Variants in CCDC191 observed in about 807,000 individuals in gnomAD.
CCDC191 encodes the protein coiled-coil domain containing 191.
In CCDC191, 99 loss-of-function variants were observed where a neutral mutation model predicts 114.0. The observed-to-expected ratio is 0.87, with a 90% CI of 0.74 to 1.03. The LOEUF (loss-of-function observed/expected upper bound fraction) is 1.03, where lower values mean the gene tolerates loss of function less well. Ranked by LOEUF, CCDC191 falls within the 50% of genes least tolerant of loss-of-function variation. CCDC191 has a pLI of 0.00. For missense variants in CCDC191, 973 were observed against 1,087.0 expected (o/e 0.90, Z 1.47); for synonymous variants, 351 against 376.0 (o/e 0.93, Z 0.77).
At chr3:114,013,691 G>A (rs777320796) in intron 8 of CCDC191, among the ~76,000 whole-genome samples, 8 of 152,172 alleles carry the variant, frequency 5.3e-5, no homozygotes, top group Non-Finnish European at 1.2e-4. Context: ...ATAACTGCAT[G>A]CAGAGAAAGG....
Position 113,969,725 on chromosome 3 carries a change from G to GTAC in CCDC191, c.2607-4369_2607-4367dup, listed in dbSNP as rs373150796. ...GGTCTATATGCCTGTTTTTATGCCAGTACCAAGCTGTTTTGGTTACTATAG... is the reference window on the plus strand; with the variant it reads ...GGTCTATATGCCTGTTTTTATGCCAGTACTACCAAGCTGTTTTGGTTACTATAG... On this transcript the variant is annotated intron_variant, in intron 16 of 16. Transcript: ENST00000295878. 4.8e-4 allele frequency among the ~76,000 whole-genome samples: 73 copies of GTAC among 152,248 alleles called. 1 individual carries two copies. The highest frequency in any genetic ancestry group is 1.4e-3 in the African/African-American group (59 of 41,560).
At chr3:113,991,265 C>A (rs1194223660) in intron 13 of CCDC191, among the ~76,000 whole-genome samples, 1 of 142,382 alleles carries the variant, frequency 7.0e-6, no homozygotes, top group Admixed American at 7.1e-5. Flanking sequence ...CAAACCCCCC[C>A]CCCCAAAAAC....
intron 7 of CCDC191, among the ~76,000 whole-genome samples, chr3:114,019,596 C>T (rs2076215236): frequency 6.6e-6 from 1 of 152,170 alleles, no homozygotes; most frequent in Non-Finnish European, 1.5e-5. Flanking sequence ...ACTTTACATT[C>T]CTTCTAGATC....
Position 114,042,838 on chromosome 3 carries a change from G to A in CCDC191, c.280C>T (p.Leu94=). ...HDEIYAEAQE[L]VNDWLDTKLK... ...TTGGTGTCTAACCAGTCATTGACCAGCTCCTGAGCTACAATAAAACAAAAA... is the reference window on the plus strand; with the variant it reads ...TTGGTGTCTAACCAGTCATTGACCAACTCCTGAGCTACAATAAAACAAAAA... The change falls in exon 4 of 17, where the codon CTG becomes TTG. Residue 94 remains leucine, a synonymous_variant. Coordinates refer to ENST00000295878, the MANE Select transcript of CCDC191 (RefSeq NM_020817.2). The A allele has an allele frequency of 5.7e-6, 9 of 1,590,786 alleles. No individual in the cohort carries two copies. Among genetic ancestry groups the A allele is most frequent in the East Asian group, 2.3e-5 (1 of 43,854 alleles).
intron 2 of CCDC191, among the ~76,000 whole-genome samples, chr3:114,052,629 T>C (rs1017396773): frequency 3.9e-5 from 6 of 152,222 alleles, no homozygotes; most frequent in Non-Finnish European, 7.3e-5. Flanking sequence ...GTAAGTTGTT[T>C]ATTCTCCACT....
chr3:114,034,641 T>G (rs2107732841), intron 6 of CCDC191, among the ~76,000 whole-genome samples: 1 of 152,226 alleles, frequency 6.6e-6, no homozygotes, highest in African/African-American at 2.4e-5. Context: ...AGGAACTCAA[T>G]GGAGTATTAT....
At position 114,033,166 on chromosome 3, in the gene CCDC191, C is replaced by A. The variant is rs149901298; in HGVS notation, c.819-1387G>T. 4.1e-3 allele frequency among the ~76,000 whole-genome samples: 625 copies of A among 151,478 alleles called. 2 individuals are homozygous for A. The highest frequency in any genetic ancestry group is 0.014 in the African/African-American group (589 of 41,252). On this transcript the variant is annotated intron_variant, in intron 6 of 16. Transcript: ENST00000295878. The stretch of plus-strand genomic sequence containing the variant: ...AGGCTGGAGTGCAGTGGCATGATCT[C>A]GGCTCACTGCAACCTCTGCCTCCTG...
chr3:113,985,514 T>TTATCA (rs2075323244), intron 13 of CCDC191, among the ~76,000 whole-genome samples: 1 of 151,714 alleles, frequency 6.6e-6, no homozygotes, highest in Non-Finnish European at 1.5e-5. Flanking sequence ...ACCACTGGAG[T>TTATCA]GGGAACAGAA....
intron 7 of CCDC191, among the ~76,000 whole-genome samples, chr3:114,028,459 G>T (rs2076357118): frequency 6.6e-6 from 1 of 151,616 alleles, no homozygotes; most frequent in Non-Finnish European, 1.5e-5. Flanking sequence ...CTAATTTTTT[G>T]TATATTTAGT....
At chr3:114,029,580 C>T (rs2076375433) in intron 7 of CCDC191, among the ~76,000 whole-genome samples, 1 of 151,940 alleles carries the variant, frequency 6.6e-6, no homozygotes, top group South Asian at 2.1e-4. Flanking sequence ...TACAGAGAAA[C>T]AAAATATTTT....
intron 16 of CCDC191, 125 bp downstream of exon 16, chr3:113,978,061 C>T: frequency 9.6e-7 from 1 of 1,038,680 alleles, no homozygotes; most frequent in Non-Finnish European, 1.4e-6. Context: ...ACTCCCACCC[C>T]TGACTGGTGT....
intron 16 of CCDC191, among the ~76,000 whole-genome samples, chr3:113,972,401 C>CA (rs1940911053): frequency 1.3e-5 from 2 of 152,024 alleles, no homozygotes; most frequent in Non-Finnish European, 2.9e-5. Context: ...GTTCCTCTTA[C>CA]TGATTCCTAA....
chr3:114,040,306 A>T (rs1222510805), intron 4 of CCDC191, among the ~76,000 whole-genome samples: 1 of 152,194 alleles, frequency 6.6e-6, no homozygotes, highest in African/African-American at 2.4e-5. Context: ...TCACCTAATG[A>T]TGCATTTTGC....
At chr3:114,034,802 A>C (rs2076457846) in intron 6 of CCDC191, 123 bp downstream of exon 6, 1 of 784,940 alleles carries the variant, frequency 1.3e-6, no homozygotes, top group African/African-American at 1.7e-5. Flanking sequence ...AGATGGTGGA[A>C]TAGTGAGTGA....
At chr3:114,056,350 C>T (rs1222078620) in intron 1 of CCDC191, 27 bp downstream of exon 1, 1 of 1,609,418 alleles carries the variant, frequency 6.2e-7, no homozygotes, top group Non-Finnish European at 8.5e-7. Flanking sequence ...AAAGTCCCCG[C>T]CCTCCAAAGC....
At chr3:114,011,966 A>G (rs2076077611) in intron 8 of CCDC191, among the ~76,000 whole-genome samples, 1 of 152,202 alleles carries the variant, frequency 6.6e-6, no homozygotes, top group Non-Finnish European at 1.5e-5. Flanking sequence ...GGTTCAAAAT[A>G]TACTGTTTAG....
At chr3:114,056,536 T>C (rs372900926), upstream of CCDC191, 12 of 1,610,688 alleles carry the variant, frequency 7.5e-6, no homozygotes, top group African/African-American at 2.7e-5. Context: ...TGCCTCCGGG[T>C]CACGCTGGGA....
In CCDC191 at chr3:113,978,880, C is replaced by T. The variant is rs1421118442; in HGVS notation, c.2438G>A (p.Arg813Lys). 6.2e-7 allele frequency: 1 copy of T among 1,613,894 alleles called. No homozygotes were observed. Among genetic ancestry groups the T allele is most frequent in the Non-Finnish European group, 8.5e-7 (1 of 1,179,928 alleles). Residue 813 changes from arginine to lysine, a missense_variant, in exon 15 of 17, where the codon AGA becomes AAA. Arg to Lys is a conservative substitution (Grantham distance 26). Transcript: ENST00000295878. ...DQFYSQILLKRVIQSWLQYVI... is the reference protein window; with the variant it reads ...DQFYSQILLKKVIQSWLQYVI... ...TACCTGTAGCCAGCTCTGGATGACTCTCTTAAGCAGTATTTGGGAATAAAA... is the reference window on the plus strand; with the variant it reads ...TACCTGTAGCCAGCTCTGGATGACTTTCTTAAGCAGTATTTGGGAATAAAA...
At chr3:113,978,055 C>T in intron 16 of CCDC191, 131 bp downstream of exon 16, 3 of 955,852 alleles carry the variant, frequency 3.1e-6, no homozygotes, top group Non-Finnish European at 4.7e-6. Context: ...GCCGGGACTC[C>T]CACCCCTGAC....
Sources: allele counts gnomAD v4.1 joint callset (sites outside exome capture counted in the v4.1 genomes callset), GRCh38; gene constraint gnomAD v4.1.1; transcripts MANE v1.5; gene names NCBI Gene and HGNC (gene_info 2026-07-23, HGNC 2026-07-21).